The following SLC35F1 variants were observed in gnomAD, a reference collection of about 807,000 sequenced individuals.
SLC35F1 encodes solute carrier family 35 member F1, also known as chromosome 6 open reading frame 169.
SLC35F1 carries 14 observed loss-of-function variants against 48.7 expected under a neutral mutation model. The ratio of observed to expected loss-of-function variants is 0.29; its 90% CI spans 0.19 to 0.45. The LOEUF (loss-of-function observed/expected upper bound fraction) is 0.45, where lower values mean the gene tolerates loss of function less well. Among genes scored for constraint, SLC35F1 ranks in the 20% least tolerant of loss-of-function variants. The pLI is 1.00. For missense variants in SLC35F1, 404 were observed against 500.0 expected, an observed-to-expected ratio of 0.81 and a Z score of 1.83; for synonymous variants, 190 against 202.2, an observed-to-expected ratio of 0.94 and a Z score of 0.51.
intron 1 of SLC35F1, among the ~76,000 whole-genome samples, chr6:117,923,755 A>G (rs12178601): frequency 0.066 from 181 of 2,722 alleles, 1 homozygote; most frequent in Non-Finnish European, 0.11. Flanking sequence ...ATGTACATAT[A>G]TACATATGCA....
At chr6:118,283,729 C>A (rs1314343219) in intron 6 of SLC35F1, among the ~76,000 whole-genome samples, 1 of 152,062 alleles carries the variant, frequency 6.6e-6, no homozygotes, top group Non-Finnish European at 1.5e-5. Context: ...ATTTTTATGT[C>A]TTTTCATGTA....
At chr6:118,309,307 C>A (rs1361425774) in intron 7 of SLC35F1, among the ~76,000 whole-genome samples, 1 of 151,812 alleles carries the variant, frequency 6.6e-6, no homozygotes, top group Non-Finnish European at 1.5e-5. Context: ...TCCTGAGTAG[C>A]TAGGACTACA....
intron 1 of SLC35F1, among the ~76,000 whole-genome samples, chr6:117,934,177 T>C (rs1380665171): frequency 6.6e-6 from 1 of 152,136 alleles, no homozygotes; most frequent in Non-Finnish European, 1.5e-5. Context: ...TAACCGCTCC[T>C]TGTAAATCAA....
At chr6:118,134,048 C>T (rs1773756681) in intron 1 of SLC35F1, among the ~76,000 whole-genome samples, 1 of 152,192 alleles carries the variant, frequency 6.6e-6, no homozygotes, top group African/African-American at 2.4e-5. Flanking sequence ...CTATCTCTTC[C>T]CTAGAAATTG....
At chr6:118,113,387 C>T (rs937576045) in intron 1 of SLC35F1, among the ~76,000 whole-genome samples, 15 of 152,008 alleles carry the variant, frequency 9.9e-5, no homozygotes, top group Admixed American at 8.5e-4. Context: ...ACCTAGCCAA[C>T]TTTGGGCAAT....
intron 1 of SLC35F1, among the ~76,000 whole-genome samples, chr6:118,135,655 G>A (rs1773783192): frequency 6.6e-6 from 1 of 152,198 alleles, no homozygotes; most frequent in Non-Finnish European, 1.5e-5. Flanking sequence ...ACACCTGCTG[G>A]TTTCTAAACA....
At position 118,275,440 on chromosome 6, in the gene SLC35F1, T is replaced by C. The variant is rs1775908242; in HGVS notation, c.638-19T>C. On this transcript the variant is annotated intron_variant, in intron 4 of 7. Transcript: ENST00000360388. ...TTTTAATGATGCTCCCTCTGTTTGT[T>C]TGTTTGGTTGGTTCCTAGGGGAAAA... The C allele has an allele frequency of 6.3e-7, 1 of 1,597,668 alleles. No individual in the cohort carries two copies. The highest frequency in any genetic ancestry group is 1.1e-5 in the South Asian group (1 of 88,008).
At chr6:117,949,948 T>C (rs113363237) in intron 1 of SLC35F1, among the ~76,000 whole-genome samples, 10 of 152,278 alleles carry the variant, frequency 6.6e-5, no homozygotes, top group African/African-American at 2.4e-4. Context: ...AGGTCTAGAA[T>C]CGTCCCCCAC....
At chr6:118,283,485 G>T (rs573679628) in intron 6 of SLC35F1, among the ~76,000 whole-genome samples, 1 of 152,096 alleles carries the variant, frequency 6.6e-6, no homozygotes, top group Non-Finnish European at 1.5e-5. Context: ...TACCAACAGA[G>T]CCCACAAGTC....
chr6:118,181,586 A>G (rs1402678238), intron 2 of SLC35F1, among the ~76,000 whole-genome samples: 1 of 152,106 alleles, frequency 6.6e-6, no homozygotes, highest in African/African-American at 2.4e-5. Flanking sequence ...CATCACCAAA[A>G]TGAGTAGAAA....
intron 1 of SLC35F1, among the ~76,000 whole-genome samples, chr6:118,141,154 C>T (rs148826379): frequency 5.9e-5 from 9 of 152,308 alleles, no homozygotes; most frequent in Non-Finnish European, 7.4e-5. Context: ...AGAGCAACTT[C>T]CAGTCCTGCA....
chr6:117,936,847 T>C (rs1776168663), intron 1 of SLC35F1, among the ~76,000 whole-genome samples: 1 of 152,200 alleles, frequency 6.6e-6, no homozygotes, highest in African/African-American at 2.4e-5. Flanking sequence ...TGATGGCTTA[T>C]GTAGGCATCT....
intron 7 of SLC35F1, among the ~76,000 whole-genome samples, chr6:118,285,867 G>A (rs1044224227): frequency 1.3e-5 from 2 of 152,210 alleles, no homozygotes; most frequent in Non-Finnish European, 2.9e-5. Context: ...AAGAGATCAT[G>A]TGAGGCACTT....
At chr6:118,009,675 C>A (rs1159082108) in intron 1 of SLC35F1, among the ~76,000 whole-genome samples, 1 of 152,136 alleles carries the variant, frequency 6.6e-6, no homozygotes, top group African/African-American at 2.4e-5. Flanking sequence ...TTAACACCCT[C>A]TATTCTTTTG....
intron 7 of SLC35F1, among the ~76,000 whole-genome samples, chr6:118,293,913 A>G (rs1776153740): frequency 6.6e-6 from 1 of 152,232 alleles, no homozygotes; most frequent in African/African-American, 2.4e-5. Flanking sequence ...TGTCCGAAAC[A>G]GCATGGACTT....
intron 2 of SLC35F1, among the ~76,000 whole-genome samples, chr6:118,208,123 TCA>T (rs60151250): frequency 0.58 from 86,586 of 150,444 alleles, 25,090 homozygotes; most frequent in African/African-American, 0.65. Flanking sequence ...GCGCGCGCGA[TCA>T]CACACACACA....
intron 3 of SLC35F1, among the ~76,000 whole-genome samples, chr6:118,238,629 C>T (rs937377934): frequency 6.6e-6 from 1 of 152,078 alleles, no homozygotes; most frequent in Non-Finnish European, 1.5e-5. Flanking sequence ...AGGCTCCTCT[C>T]ATGGTCATGA....
At chr6:118,197,152 A>G (rs1219799609) in intron 2 of SLC35F1, among the ~76,000 whole-genome samples, 1 of 152,176 alleles carries the variant, frequency 6.6e-6, no homozygotes, top group Non-Finnish European at 1.5e-5. Flanking sequence ...TTCTAAGTGT[A>G]TCTTAGTTAT....
intron 1 of SLC35F1, among the ~76,000 whole-genome samples, chr6:117,932,956 CA>C (rs1776120521): frequency 6.6e-6 from 1 of 152,184 alleles, no homozygotes; most frequent in Admixed American, 6.5e-5. Context: ...CTAGTGATAA[CA>C]AAACAAGTTT....
Sources: allele counts gnomAD v4.1 joint callset (sites outside exome capture counted in the v4.1 genomes callset), GRCh38; gene constraint gnomAD v4.1.1; transcripts MANE v1.5; gene names NCBI Gene and HGNC (gene_info 2026-07-23, HGNC 2026-07-21).